MPHOSPH9: variants seen among roughly 807,000 people sequenced by gnomAD.
MPHOSPH9 encodes M-phase phosphoprotein 9.
In MPHOSPH9, 88 loss-of-function variants were observed where a neutral mutation model predicts 145.5. The ratio of observed to expected loss-of-function variants is 0.60; its 90% confidence interval spans 0.51 to 0.72. MPHOSPH9 has a LOEUF of 0.72. Ranked by LOEUF, MPHOSPH9 falls within the 30% of genes least tolerant of loss-of-function variation. MPHOSPH9 has a pLI of 0.00. For missense variants in MPHOSPH9, 1,238 were observed against 1,386.6 expected (o/e 0.89, Z 1.70); for synonymous variants, 435 against 486.2 (o/e 0.89, Z 1.39).
chr12:123,202,013 G>A lies in MPHOSPH9; in HGVS notation c.1937+151C>T, dbSNP rs541408158. The A allele has an allele frequency of 1.4e-4, 109 of 804,114 alleles. 2 individuals are homozygous for A. The South Asian group carries it at 1.8e-3, about 13-fold the overall frequency. The allele number at this position is 804,114 out of a possible 1,614,324, so 49.8% of individuals were successfully genotyped here. Reference sequence around the variant, plus strand: ...CACGTCAGTTATTAGTGTATTATAAGAGGGGGGTTTAGCTTCAAAAATACT... The same window carrying A: ...CACGTCAGTTATTAGTGTATTATAAAAGGGGGGTTTAGCTTCAAAAATACT... On this transcript the variant is annotated intron_variant, in intron 11 of 23. Coordinates refer to ENST00000606320, the MANE Select transcript of MPHOSPH9 (RefSeq NM_022782.4).
chr12:123,168,417 C>T (rs1459231277), intron 16 of MPHOSPH9, among the ~76,000 whole-genome samples: 2 of 151,290 alleles, frequency 1.3e-5, no homozygotes, highest in Admixed American at 6.6e-5. Flanking sequence ...TCTCGGCTCA[C>T]TGCAAGCTCC....
At chr12:123,161,782 T>C (rs1468498645) in intron 21 of MPHOSPH9, among the ~76,000 whole-genome samples, 1 of 152,060 alleles carries the variant, frequency 6.6e-6, no homozygotes, top group African/African-American at 2.4e-5. Flanking sequence ...CATTGTCTTA[T>C]AGCTTTATTC....
chr12:123,188,327 C>T (rs188784010), intron 13 of MPHOSPH9, among the ~76,000 whole-genome samples: 75 of 152,258 alleles, frequency 4.9e-4, no homozygotes, highest in African/African-American at 1.7e-3. Flanking sequence ...ACAACCATTT[C>T]AGAGAGCAAT....
At chr12:123,208,380 T>C (rs1243177351) in intron 8 of MPHOSPH9, among the ~76,000 whole-genome samples, 1 of 150,520 alleles carries the variant, frequency 6.6e-6, no homozygotes, top group Admixed American at 6.6e-5. Flanking sequence ...CTACTAAAAA[T>C]ACAAAAATTA....
At chr12:123,233,142 AGC>A (rs146239222), upstream of MPHOSPH9, 89,625 of 151,812 alleles carry the variant, frequency 0.59, 30,778 homozygotes, top group Non-Finnish European at 0.75. Flanking sequence ...TACCCGAGGG[AGC>A]GCGCGCGCGC....
rs191344831 is a variant in MPHOSPH9 at position 123,243,321 on chromosome 12, G to A, written c.-159+532C>T. Among the ~76,000 whole-genome samples the A allele has an allele frequency of 9.2e-3, 1,402 of 152,086 alleles. 21 individuals are homozygous for A. Among genetic ancestry groups the A allele is most frequent in the African/African-American group, 0.032 (1,316 of 41,488 alleles). ...CGAGGCGGGCGGATCACGAGGTCAG[G>A]AAATCGAGAACAGCCTGGCTAACAT... On this transcript the variant is annotated intron_variant, in intron 1 of 2. Transcript: ENST00000545406.
chr12:123,190,246 G>A (rs1016333487), intron 13 of MPHOSPH9, among the ~76,000 whole-genome samples: 1 of 151,372 alleles, frequency 6.6e-6, no homozygotes, highest in Non-Finnish European at 1.5e-5. Context: ...TCCGCCTCCT[G>A]GGTTTACACC....
At chr12:123,218,181 G>A (rs928141588) in intron 6 of MPHOSPH9, among the ~76,000 whole-genome samples, 195 bp downstream of exon 6, 4 of 151,950 alleles carry the variant, frequency 2.6e-5, no homozygotes, top group African/African-American at 7.2e-5. Context: ...GAAGTGAGCC[G>A]AGATCACGTC....
rs1429301550 is a variant in MPHOSPH9 at position 123,202,407 on chromosome 12, A to G, written c.1782-88T>C. 3 of 1,350,144 alleles carry G rather than the reference A, an allele frequency of 2.2e-6. No homozygotes were observed. In the Admixed American group the frequency reaches 7.2e-5, roughly 32 times the overall value. 83.6% of individuals were successfully genotyped at this position (1,350,144 alleles called of 1,614,324 possible). On this transcript the variant is annotated intron_variant, in intron 10 of 23. Coordinates refer to ENST00000606320, the MANE Select transcript of MPHOSPH9 (RefSeq NM_022782.4). ...AGAAACCAAGAACACAATGATTCTC[A>G]TGGGCAAAAATATAGCATATTTCCT...
At position 123,202,871 on chromosome 12, in the gene MPHOSPH9, G is replaced by T. The variant is rs1047937509; in HGVS notation, c.1534C>A (p.His512Asn). 1.2e-6 allele frequency: 2 copies of T among 1,614,074 alleles called. No individual in the cohort carries two copies. Among genetic ancestry groups the T allele is most frequent in the African/African-American group, 2.7e-5 (2 of 74,932 alleles). ...GAGTCCACCGGAGAAGCTTTTGTGT[G>T]TGAGGGATATTTTGGAAATCCAGGT... ...QLPGFPKYPS[H>N]TKASPVDSWK... The change falls in exon 10 of 24, where the codon CAC (histidine) becomes AAC (asparagine). Residue 512 changes from histidine (H) to asparagine (N), a missense_variant. By Grantham distance (68) the His-to-Asn change is moderately conservative. This residue lies in a region of MPHOSPH9 where 837 missense variants were observed against 897.5 expected (regional missense o/e 0.93). Coordinates refer to ENST00000606320, the MANE Select transcript of MPHOSPH9 (RefSeq NM_022782.4).
At chr12:123,228,985 C>T (rs537338598) in intron 2 of MPHOSPH9, among the ~76,000 whole-genome samples, 65 of 152,264 alleles carry the variant, frequency 4.3e-4, no homozygotes, top group Middle Eastern at 3.4e-3. Flanking sequence ...ATTTCCTGTG[C>T]CTTTTAAAAT....
In MPHOSPH9 at chr12:123,162,445, T is replaced by C. The variant is rs1475109917; in HGVS notation, c.3030-227A>G. ...CTTACCCATACATTATCTCATTTGA[T>C]ATTTATAAAAACCTTATGAAATAAG... On this transcript the variant is annotated intron_variant, in intron 20 of 23. Coordinates refer to ENST00000606320, the MANE Select transcript of MPHOSPH9 (RefSeq NM_022782.4). 1.7e-5 allele frequency: 5 copies of C among 296,288 alleles called. No homozygotes were observed. The East Asian group carries it at 2.3e-4, about 14-fold the overall frequency. The allele number at this position is 296,288 out of a possible 1,614,324, so 18.4% of individuals were successfully genotyped here. A position where few individuals can be genotyped will look rare whatever the true frequency, so the allele number is the denominator to read the frequency against.
chr12:123,225,211 A>G (rs2047385371), intron 3 of MPHOSPH9, among the ~76,000 whole-genome samples: 1 of 150,122 alleles, frequency 6.7e-6, no homozygotes, highest in African/African-American at 2.4e-5. Flanking sequence ...TGGGAGGCCA[A>G]GGTGGGTGGA....
chr12:123,186,134 G>A (rs2045432309), intron 13 of MPHOSPH9, among the ~76,000 whole-genome samples: 2 of 151,462 alleles, frequency 1.3e-5, no homozygotes, highest in African/African-American at 4.9e-5. Context: ...GGCTGAGGCG[G>A]GAGCATTGCT....
intron 4 of MPHOSPH9, 70 bp downstream of exon 4, chr12:123,222,962 ATGTGTG>A: frequency 2.8e-6 from 2 of 705,910 alleles, no homozygotes; most frequent in African/African-American, 2.1e-5. Context: ...GTATATATAT[ATGTGTG>A]TGTGTGTGTG....
At chr12:123,213,330 C>T (rs1447916338) in intron 7 of MPHOSPH9, among the ~76,000 whole-genome samples, 3 of 151,986 alleles carry the variant, frequency 2.0e-5, no homozygotes, top group Non-Finnish European at 4.4e-5. Context: ...GCTAGGTGTA[C>T]TAAATGCATT....
rs1181193926 is a variant in MPHOSPH9, at chr12:123,210,041, G to T, written c.1194+15C>A. 2.5e-6 allele frequency: 4 copies of T among 1,587,698 alleles called. No homozygotes were observed. Among genetic ancestry groups the T allele is most frequent in the Non-Finnish European group, 3.4e-6 (4 of 1,162,880 alleles). On this transcript the variant is annotated intron_variant, in intron 8 of 23. Transcript: ENST00000606320. The stretch of plus-strand genomic sequence containing the variant: ...GTAAGCCACCGCGCCCGGCCACCGT[G>T]TGTTTTTAAATTACCTGGTTTGGTG...
At chr12:123,218,089 TACC>T (rs1286270465) in intron 6 of MPHOSPH9, among the ~76,000 whole-genome samples, 4 of 150,102 alleles carry the variant, frequency 2.7e-5, no homozygotes, top group Admixed American at 6.7e-5. Context: ...CACACGACTG[TACC>T]ACCATGTACC....
chr12:123,203,195 G>C, intron 9 of MPHOSPH9, 55 bp downstream of exon 9: 1 of 1,600,346 alleles, frequency 6.2e-7, no homozygotes, highest in Admixed American at 1.8e-5. Flanking sequence ...TGAGGTAAAA[G>C]TTAGAGTCAG....
Sources: gnomAD v4.1 joint callset for allele counts (sites outside exome capture counted in the v4.1 genomes callset) on GRCh38, gnomAD v4.1.1 for gene constraint, gnomAD v4.1.1 regional missense constraint, MANE v1.5 for transcripts, NCBI Gene and HGNC (gene_info 2026-07-23, HGNC 2026-07-21) for gene names.